Variants in USP25 observed in about 807,000 individuals in gnomAD.
The protein encoded by USP25 is ubiquitin specific peptidase 25, also known as ubiquitin carboxyl-terminal hydrolase 25.
Under a neutral mutation model 158.5 loss-of-function variants are expected in USP25, and 85 were observed. The observed-to-expected ratio is 0.54, with a 90% confidence interval of 0.45 to 0.64. USP25 has a LOEUF of 0.64. Among genes scored for constraint, USP25 ranks in the 30% least tolerant of loss-of-function variants. USP25 has a pLI of 0.00. For missense variants in USP25, 1,242 were observed against 1,327.3 expected, an observed-to-expected ratio of 0.94 and a Z score of 1.00; for synonymous variants, 464 against 460.4, an observed-to-expected ratio of 1.01 and a Z score of -0.10.
intron 10 of USP25, 59 bp downstream of exon 10, chr21:15,818,905 GCA>G: frequency 6.4e-7 from 1 of 1,555,296 alleles, no homozygotes; most frequent in Non-Finnish European, 8.8e-7. Context: ...CAATGCTATA[GCA>G]CAATGTAAGG....
intron 4 of USP25, among the ~76,000 whole-genome samples, chr21:15,781,254 G>T (rs1465504733): frequency 6.6e-6 from 1 of 152,228 alleles, no homozygotes; most frequent in Non-Finnish European, 1.5e-5. Context: ...TGTCTGACAA[G>T]TAGTGGTAGC....
chr21:15,773,858 G>A (rs1440534134), intron 3 of USP25, among the ~76,000 whole-genome samples: 2 of 152,162 alleles, frequency 1.3e-5, no homozygotes, highest in Non-Finnish European at 2.9e-5. Context: ...GAAACAAAAT[G>A]GTTAGAAGAT....
chr21:15,862,748 C>CA (rs11308815), intron 20 of USP25, among the ~76,000 whole-genome samples: 15,759 of 140,318 alleles, frequency 0.11, 913 homozygotes, highest in East Asian at 0.19. Flanking sequence ...TGTATATCCT[C>CA]AAAAAAAAAA....
At chr21:15,855,802 T>C (rs1297518657) in intron 20 of USP25, among the ~76,000 whole-genome samples, 1 of 152,222 alleles carries the variant, frequency 6.6e-6, no homozygotes, top group Admixed American at 6.5e-5. Context: ...AGTACCTTTT[T>C]TCCGCCTTCC....
At chr21:15,780,219 ATTAGGATACTACATTGTGTG>A (rs1230457205) in intron 4 of USP25, among the ~76,000 whole-genome samples, 2 of 152,208 alleles carry the variant, frequency 1.3e-5, no homozygotes, top group Non-Finnish European at 2.9e-5. Flanking sequence ...GAAGTTACAC[ATTAGGATACTACATTGTGTG>A]TAATTTGATG....
chr21:15,876,471 A>C (rs1345727838), intron 24 of USP25: 2 of 153,728 alleles, frequency 1.3e-5, no homozygotes, highest in African/African-American at 4.8e-5. Flanking sequence ...ACAGTTCCAC[A>C]TGGTTGGGGA....
At chr21:15,825,625 C>G (rs2037463629) in intron 12 of USP25, among the ~76,000 whole-genome samples, 1 of 152,090 alleles carries the variant, frequency 6.6e-6, no homozygotes, top group Admixed American at 6.5e-5. Flanking sequence ...AGAATCTGGA[C>G]TGAGAAATGT....
chr21:15,818,910 A>C, intron 10 of USP25, 64 bp downstream of exon 10: 1 of 1,517,340 alleles, frequency 6.6e-7, no homozygotes, highest in Non-Finnish European at 9.0e-7. Flanking sequence ...CTATAGCACA[A>C]TGTAAGGTTC....
chr21:15,784,444 T>C (rs897152135), intron 4 of USP25, among the ~76,000 whole-genome samples: 1 of 152,088 alleles, frequency 6.6e-6, no homozygotes, highest in African/African-American at 2.4e-5. Flanking sequence ...TGGTGGTGCA[T>C]GCCTGTAATC....
intron 20 of USP25, among the ~76,000 whole-genome samples, chr21:15,854,285 A>G (rs2039031742): frequency 6.6e-6 from 1 of 152,026 alleles, no homozygotes. Context: ...AGCTGAGACT[A>G]CAGGGGCCCG....
At chr21:15,815,707 A>G (rs770617389) in intron 9 of USP25, among the ~76,000 whole-genome samples, 2 of 152,162 alleles carry the variant, frequency 1.3e-5, no homozygotes, top group African/African-American at 2.4e-5. Flanking sequence ...CTGTACTCCA[A>G]TTGTAACTCT....
intron 21 of USP25, among the ~76,000 whole-genome samples, chr21:15,864,677 A>G (rs2146559713): frequency 6.6e-6 from 1 of 152,340 alleles, no homozygotes; most frequent in Middle Eastern, 3.4e-3. Flanking sequence ...TGAATCAAGT[A>G]ATCACTGCAC....
Position 15,848,723 on chromosome 21 carries a change from T to C in USP25, c.2451+947T>C, listed in dbSNP as rs557918372. On this transcript the variant is annotated intron_variant, in intron 19 of 25. Transcript: ENST00000400183. Reference sequence around the variant, plus strand: ...GAAGTGTCATAAAGACATATCACTGTACCAGTGTAAGAAATCACACGCCAT... The same window carrying C: ...GAAGTGTCATAAAGACATATCACTGCACCAGTGTAAGAAATCACACGCCAT... Among the ~76,000 whole-genome samples the C allele has an allele frequency of 2.0e-5, 3 of 152,298 alleles. No individual in the cohort carries two copies. In the South Asian group the frequency reaches 6.2e-4, roughly 32 times the overall value.
At chr21:15,787,620 GTTC>G (rs2035351230) in intron 4 of USP25, among the ~76,000 whole-genome samples, 1 of 152,066 alleles carries the variant, frequency 6.6e-6, no homozygotes, top group Non-Finnish European at 1.5e-5. Context: ...AAACTGGTCG[GTTC>G]TTCTTAAATT....
rs761283095 is a variant in USP25 at position 15,791,492 on chromosome 21, A to G, written c.393-10A>G. 1.9e-6 allele frequency: 3 copies of G among 1,588,976 alleles called. No individual in the cohort carries two copies. The African/African-American group carries it at 4.1e-5, about 22-fold the overall frequency. The stretch of plus-strand genomic sequence containing the variant: ...ATATAATGCTGCATTTTTTTCCACC[A>G]TTGATTAAGAGTTCTTGAAGCCAGC... On this transcript the variant is annotated splice_polypyrimidine_tract_variant and intron_variant, in intron 4 of 25. Transcript: ENST00000400183.
intron 9 of USP25, among the ~76,000 whole-genome samples, chr21:15,817,063 C>G (rs765246446): frequency 6.7e-6 from 1 of 148,354 alleles, no homozygotes; most frequent in East Asian, 2.0e-4. Flanking sequence ...ACTCAGGAGG[C>G]GGAGTTTGCA....
chr21:15,823,926 C>A, intron 10 of USP25, 113 bp from the exon 11 acceptor site: 1 of 1,046,452 alleles, frequency 9.6e-7, no homozygotes. Flanking sequence ...TTGTCAGGTC[C>A]GCATTGTGGT....
chr21:15,835,038 C>G (rs1228163345), intron 17 of USP25, among the ~76,000 whole-genome samples: 1 of 152,188 alleles, frequency 6.6e-6, no homozygotes, highest in Non-Finnish European at 1.5e-5. Context: ...CATATTCTTT[C>G]CAAATCACTC....
At chr21:15,785,842 G>A (rs2035239198) in intron 4 of USP25, among the ~76,000 whole-genome samples, 2 of 150,910 alleles carry the variant, frequency 1.3e-5, no homozygotes, top group Admixed American at 6.6e-5. Flanking sequence ...GACTAAAAGA[G>A]CAATTCAAAA....
Sources: gnomAD v4.1 joint callset for allele counts (sites outside exome capture counted in the v4.1 genomes callset) on GRCh38, gnomAD v4.1.1 for gene constraint, MANE v1.5 for transcripts, NCBI Gene and HGNC (gene_info 2026-07-23, HGNC 2026-07-21) for gene names.